The following RPS6KC1 variants were observed in gnomAD, a reference collection of about 807,000 sequenced individuals.
RPS6KC1 encodes ribosomal protein S6 kinase C1.
In RPS6KC1, 54 loss-of-function variants were observed where a neutral mutation model predicts 103.8. The ratio of observed to expected loss-of-function variants is 0.52; its 90% CI spans 0.42 to 0.65. The LOEUF is 0.65. RPS6KC1 is among the 30% of genes least tolerant of loss of function. The pLI is 0.00. For synonymous variants in RPS6KC1, 439 were observed against 438.7 expected, an observed-to-expected ratio of 1.00 and a Z score of -0.01; for missense variants, 1,151 against 1,253.8, an observed-to-expected ratio of 0.92 and a Z score of 1.24.
chr1:213,081,913 T>A lies in RPS6KC1; in HGVS notation c.262+4097T>A, dbSNP rs186425966. ...CAGCAATTTCATGAGGGGCCTGAGC[T>A]AGAGCCACCCAGCCAAGCCACTTTT... On this transcript the variant is annotated intron_variant, in intron 3 of 14. Coordinates refer to ENST00000366960, the MANE Select transcript of RPS6KC1 (RefSeq NM_012424.6). 3.9e-5 allele frequency among the ~76,000 whole-genome samples: 6 copies of A among 152,288 alleles called. 1 individual carries two copies. Among genetic ancestry groups the A allele is most frequent in the African/African-American group, 1.4e-4 (6 of 41,578 alleles).
the RPS6KC1 span, among the ~76,000 whole-genome samples, chr1:213,459,775 C>G: frequency 2.6e-5 from 4 of 152,156 alleles, no homozygotes; most frequent in Non-Finnish European, 5.9e-5. Context: ...CCCAGAGATT[C>G]TGGCACATTG....
At chr1:213,383,194 T>G in the RPS6KC1 span, among the ~76,000 whole-genome samples, 10 of 116,524 alleles carry the variant, frequency 8.6e-5, no homozygotes, top group Non-Finnish European at 2.0e-4. Flanking sequence ...AATCCCCCCC[T>G]GAATGGGGAC....
the RPS6KC1 span, among the ~76,000 whole-genome samples, chr1:213,593,842 A>G: frequency 2.0e-5 from 3 of 152,092 alleles, no homozygotes; most frequent in Non-Finnish European, 2.9e-5. Flanking sequence ...TGACTGAGGA[A>G]CTGAATTTTA....
chr1:213,554,136 T>G, the RPS6KC1 span, among the ~76,000 whole-genome samples: 1 of 152,206 alleles, frequency 6.6e-6, no homozygotes, highest in African/African-American at 2.4e-5. Context: ...TAGGTTTTCT[T>G]CTAGGGTTTT....
At chr1:213,838,364 T>C in the RPS6KC1 span, among the ~76,000 whole-genome samples, 4 of 152,180 alleles carry the variant, frequency 2.6e-5, no homozygotes, top group African/African-American at 7.2e-5. Context: ...ACTGGAAGTT[T>C]TCAGGAAGTC....
chr1:213,517,550 T>C, the RPS6KC1 span, among the ~76,000 whole-genome samples: 20 of 152,238 alleles, frequency 1.3e-4, no homozygotes, highest in Non-Finnish European at 4.4e-5. Flanking sequence ...TGAGTGAGTT[T>C]CTTAATCCTG....
the RPS6KC1 span, among the ~76,000 whole-genome samples, chr1:213,717,498 C>T: frequency 5.3e-5 from 8 of 152,140 alleles, no homozygotes; most frequent in African/African-American, 7.2e-5. Context: ...TTGGCTAAAG[C>T]GTTGAGTTTA....
the RPS6KC1 span, among the ~76,000 whole-genome samples, chr1:213,732,404 C>T: frequency 0.77 from 116,763 of 151,948 alleles, 45,035 homozygotes; most frequent in Middle Eastern, 0.92. Context: ...AGCCCTTTGT[C>T]TTGTTGATTA....
the RPS6KC1 span, among the ~76,000 whole-genome samples, chr1:213,853,880 C>T: frequency 6.6e-5 from 10 of 152,140 alleles, no homozygotes; most frequent in Admixed American, 6.5e-4. Context: ...TTCTACTCAG[C>T]CCTCGACTGC....
chr1:213,237,953 C>T (rs1047971587), intron 10 of RPS6KC1, among the ~76,000 whole-genome samples: 1 of 151,654 alleles, frequency 6.6e-6, no homozygotes, highest in Admixed American at 6.6e-5. Context: ...ACTTATAGAT[C>T]CTTATAGATT....
At chr1:213,211,726 T>C (rs1203789470) in intron 8 of RPS6KC1, among the ~76,000 whole-genome samples, 1 of 152,244 alleles carries the variant, frequency 6.6e-6, no homozygotes, top group Non-Finnish European at 1.5e-5. Flanking sequence ...ATGGCTTATG[T>C]TCATTGACAT....
chr1:213,416,467 G>T, the RPS6KC1 span, among the ~76,000 whole-genome samples: 1 of 152,264 alleles, frequency 6.6e-6, no homozygotes, highest in Non-Finnish European at 1.5e-5. Flanking sequence ...GTAAAGGCAG[G>T]CTGTGAGTAG....
the RPS6KC1 span, among the ~76,000 whole-genome samples, chr1:213,614,121 C>T: frequency 2.6e-4 from 39 of 152,332 alleles, no homozygotes; most frequent in African/African-American, 7.5e-4. Context: ...CTGCTTTATC[C>T]GCAGCTACAA....
At chr1:213,334,851 T>C in the RPS6KC1 span, among the ~76,000 whole-genome samples, 22 of 152,224 alleles carry the variant, frequency 1.4e-4, no homozygotes, top group African/African-American at 5.3e-4. Flanking sequence ...TAGAGATATA[T>C]ATATTTACAC....
the RPS6KC1 span, among the ~76,000 whole-genome samples, chr1:213,631,669 C>A: frequency 1.2e-4 from 18 of 152,010 alleles, no homozygotes; most frequent in Non-Finnish European, 1.6e-4. Context: ...CCACCAGTAG[C>A]CTTCTAGTGT....
chr1:213,577,282 C>T, the RPS6KC1 span, among the ~76,000 whole-genome samples: 1 of 152,212 alleles, frequency 6.6e-6, no homozygotes, highest in Admixed American at 6.5e-5. Context: ...TCACTTTCCA[C>T]CATGATTGTG....
chr1:213,175,631 G>T (rs2091814598), intron 7 of RPS6KC1, among the ~76,000 whole-genome samples: 1 of 151,982 alleles, frequency 6.6e-6, no homozygotes, highest in Non-Finnish European at 1.5e-5. Flanking sequence ...ATGGAAGTTG[G>T]GATTATTTTA....
At chr1:213,568,878 G>A in the RPS6KC1 span, among the ~76,000 whole-genome samples, 1 of 152,204 alleles carries the variant, frequency 6.6e-6, no homozygotes, top group Non-Finnish European at 1.5e-5. Flanking sequence ...GAAAAGATGA[G>A]AGAGAGGCAG....
intron 1 of RPS6KC1, among the ~76,000 whole-genome samples, chr1:213,061,055 C>A (rs2077792270): frequency 6.6e-6 from 1 of 152,136 alleles, no homozygotes; most frequent in African/African-American, 2.4e-5. Flanking sequence ...GCTGTATGGT[C>A]TCATGGCTGA....
Sources: allele counts gnomAD v4.1 joint callset (sites outside exome capture counted in the v4.1 genomes callset), GRCh38; gene constraint gnomAD v4.1.1; transcripts MANE v1.5; gene names NCBI Gene and HGNC (gene_info 2026-07-23, HGNC 2026-07-21).